LRRC4C: variants seen among roughly 807,000 people sequenced by gnomAD.
The protein encoded by LRRC4C is leucine rich repeat containing 4C.
A neutral mutation model predicts 33.6 loss-of-function variants in LRRC4C; 5 were observed. That is an observed-to-expected ratio of 0.15 (90% CI 0.08 to 0.31). LRRC4C has a LOEUF of 0.31. Ranked by LOEUF, LRRC4C falls within the 10% of genes least tolerant of loss-of-function variation. The pLI is 1.00. For synonymous variants in LRRC4C, 329 were observed against 302.0 expected (o/e 1.09, Z -0.93); for missense variants, 560 against 796.7 (o/e 0.70, Z 3.58).
chr11:41,141,210 A>G (rs1943489599), intron 1 of LRRC4C, among the ~76,000 whole-genome samples: 1 of 152,196 alleles, frequency 6.6e-6, no homozygotes, highest in Non-Finnish European at 1.5e-5. Context: ...TTTTAAAATT[A>G]TCCTTCTTTC....
At chr11:40,474,652 C>T (rs1474503267) in intron 3 of LRRC4C, among the ~76,000 whole-genome samples, 1 of 152,098 alleles carries the variant, frequency 6.6e-6, no homozygotes, top group African/African-American at 2.4e-5. Flanking sequence ...AGGCAACCTA[C>T]AGAATGGGAG....
chr11:41,212,175 C>A (rs1660827488), intron 1 of LRRC4C, among the ~76,000 whole-genome samples: 1 of 152,206 alleles, frequency 6.6e-6, no homozygotes, highest in African/African-American at 2.4e-5. Flanking sequence ...TTCCTTTTCA[C>A]AACAACTTTT....
chr11:40,479,334 G>C lies in LRRC4C; in HGVS notation c.-269-159613C>G, dbSNP rs916701735. On this transcript the variant is annotated intron_variant, in intron 3 of 6. Transcript: ENST00000528697. The stretch of plus-strand genomic sequence containing the variant: ...AGTAACCTTCAAAAAGGTCTGCTGT[G>C]TACTGGGTTCTCTTTTAGGAAAGTG... 4.6e-5 allele frequency among the ~76,000 whole-genome samples: 7 copies of C among 152,208 alleles called. No homozygotes were observed. The East Asian group carries it at 7.7e-4, about 17-fold the overall frequency.
intron 5 of LRRC4C, among the ~76,000 whole-genome samples, chr11:40,238,177 C>G (rs1470817): frequency 6.6e-6 from 1 of 151,996 alleles, no homozygotes; most frequent in Non-Finnish European, 1.5e-5. Flanking sequence ...CTGCAAATCA[C>G]TTCTTGTCTC....
At chr11:41,444,964 C>T (rs574898488) in intron 1 of LRRC4C, among the ~76,000 whole-genome samples, 7 of 152,064 alleles carry the variant, frequency 4.6e-5, no homozygotes, top group Admixed American at 6.6e-5. Flanking sequence ...TCACCACGCC[C>T]GGCTAATTTT....
chr11:41,395,750 T>G (rs1953784047), intron 1 of LRRC4C, among the ~76,000 whole-genome samples: 1 of 151,986 alleles, frequency 6.6e-6, no homozygotes, highest in African/African-American at 2.4e-5. Flanking sequence ...AATCAAAATG[T>G]TTTCATCCTA....
Position 41,177,890 on chromosome 11 carries a change from T to C in LRRC4C, c.-495-244167A>G. On this transcript the variant is annotated intron_variant, in intron 1 of 6. Transcript: ENST00000528697. ...ACAGTAACATAACAAGAAGTAAAGA[T>C]AAACACTTTAACAAATCCCACAGCC... Among the ~76,000 whole-genome samples, 2 of 152,102 alleles carry C rather than the reference T, an allele frequency of 1.3e-5. 1 individual carries two copies. The highest frequency in any genetic ancestry group is 3.9e-4 in the East Asian group (2 of 5,184).
At chr11:40,609,957 A>G (rs1961035202) in intron 3 of LRRC4C, among the ~76,000 whole-genome samples, 1 of 152,164 alleles carries the variant, frequency 6.6e-6, no homozygotes, top group African/African-American at 2.4e-5. Flanking sequence ...GAATTCTACC[A>G]AACATTTAAA....
intron 1 of LRRC4C, among the ~76,000 whole-genome samples, chr11:41,166,518 T>C (rs1944736513): frequency 6.6e-6 from 1 of 152,096 alleles, no homozygotes; most frequent in African/African-American, 2.4e-5. Flanking sequence ...AAAGATCGGG[T>C]TTTTATTTTG....
rs1290335838 is a variant in LRRC4C, at chr11:40,225,839, G to A, written c.-96+15680C>T. Among the ~76,000 whole-genome samples the A allele has an allele frequency of 2.0e-5, 3 of 152,040 alleles. No individual in the cohort carries two copies. The South Asian group carries it at 6.2e-4, about 31-fold the overall frequency. On this transcript the variant is annotated intron_variant, in intron 5 of 6. Coordinates refer to ENST00000528697, the MANE Select transcript of LRRC4C (RefSeq NM_001258419.2). ...TCACCATGTTAGTCAGGCAGGTCTC[G>A]AACTCCTGACCTCAGGTGATCCGCC...
rs576482938 is a variant in LRRC4C at position 40,913,051 on chromosome 11, T to G, written c.-407+20584A>C. Among the ~76,000 whole-genome samples the G allele has an allele frequency of 5.3e-5, 8 of 152,188 alleles. No homozygotes were observed. In the South Asian group the frequency reaches 1.7e-3, roughly 32 times the overall value. On this transcript the variant is annotated intron_variant, in intron 2 of 6. Coordinates refer to ENST00000528697, the MANE Select transcript of LRRC4C (RefSeq NM_001258419.2). ...AGAGCACTCAGATTCATAAAGCAAGTCCTTAGAGACCTACAAAGAGACTTA... is the reference window on the plus strand; with the variant it reads ...AGAGCACTCAGATTCATAAAGCAAGGCCTTAGAGACCTACAAAGAGACTTA...
chr11:40,741,045 A>C (rs1158940502), intron 2 of LRRC4C, among the ~76,000 whole-genome samples: 1 of 152,060 alleles, frequency 6.6e-6, no homozygotes, highest in Non-Finnish European at 1.5e-5. Context: ...TTCTGAGATC[A>C]AGTATGATCT....
chr11:41,060,216 G>C (rs1361336073), intron 1 of LRRC4C, among the ~76,000 whole-genome samples: 2 of 152,120 alleles, frequency 1.3e-5, no homozygotes, highest in Non-Finnish European at 2.9e-5. Flanking sequence ...TGTAATCATA[G>C]AGAGTTACAA....
chr11:40,633,391 C>CTT (rs1743505205), intron 3 of LRRC4C, among the ~76,000 whole-genome samples: 27 of 124,476 alleles, frequency 2.2e-4, no homozygotes, highest in African/African-American at 8.6e-4. Flanking sequence ...TTCTTTCTTT[C>CTT]TTTCTTTTTT....
At chr11:41,003,966 T>C (rs1295960280) in intron 1 of LRRC4C, among the ~76,000 whole-genome samples, 1 of 151,540 alleles carries the variant, frequency 6.6e-6, no homozygotes, top group African/African-American at 2.4e-5. Context: ...AAAGAAAGAG[T>C]GTGCTTATGG....
chr11:40,589,129 A>T (rs1364756771), intron 3 of LRRC4C, among the ~76,000 whole-genome samples: 1 of 151,928 alleles, frequency 6.6e-6, no homozygotes, highest in Non-Finnish European at 1.5e-5. Flanking sequence ...TTTGTAGGTC[A>T]CTCAGGACTT....
At chr11:41,064,824 G>C (rs1365064611) in intron 1 of LRRC4C, among the ~76,000 whole-genome samples, 1 of 152,180 alleles carries the variant, frequency 6.6e-6, no homozygotes, top group Non-Finnish European at 1.5e-5. Flanking sequence ...ACGGAGTCGG[G>C]GGACCTCCCT....
At chr11:40,216,717 C>A (rs1315427863) in intron 5 of LRRC4C, among the ~76,000 whole-genome samples, 1 of 152,192 alleles carries the variant, frequency 6.6e-6, no homozygotes, top group Admixed American at 6.6e-5. Flanking sequence ...AAACAAAAAG[C>A]AAAAGTGAAA....
intron 1 of LRRC4C, among the ~76,000 whole-genome samples, chr11:40,972,599 G>T (rs936856095): frequency 6.6e-6 from 1 of 152,104 alleles, no homozygotes; most frequent in African/African-American, 2.4e-5. Context: ...GCATGGCTTG[G>T]GAGGGCTGAA....
Sources: gnomAD v4.1 joint callset for allele counts (sites outside exome capture counted in the v4.1 genomes callset) on GRCh38, gnomAD v4.1.1 for gene constraint, MANE v1.5 for transcripts, NCBI Gene and HGNC (gene_info 2026-07-23, HGNC 2026-07-21) for gene names.